PTPRT: variants seen among roughly 807,000 people sequenced by gnomAD.
The protein encoded by PTPRT is protein tyrosine phosphatase receptor type T.
PTPRT carries 56 observed loss-of-function variants against 176.8 expected under a neutral mutation model. The observed-to-expected ratio is 0.32, with a 90% CI of 0.26 to 0.40. PTPRT has a LOEUF of 0.40. Among genes scored for constraint, PTPRT ranks in the 10% least tolerant of loss-of-function variants. The pLI is 1.00. For synonymous variants in PTPRT, 783 were observed against 739.0 expected (o/e 1.06, Z -0.96); for missense variants, 1,540 against 1,908.2 (o/e 0.81, Z 3.60).
At chr20:43,183,299 T>C (rs2015312494) in intron 1 of PTPRT, among the ~76,000 whole-genome samples, 1 of 152,208 alleles carries the variant, frequency 6.6e-6, no homozygotes, top group African/African-American at 2.4e-5. Context: ...GTAACGCCAT[T>C]TCCTTGGTGC....
intron 5 of PTPRT, among the ~76,000 whole-genome samples, chr20:42,761,288 G>C (rs1276744033): frequency 6.6e-6 from 1 of 151,864 alleles, no homozygotes; most frequent in Non-Finnish European, 1.5e-5. Context: ...TACAAAATTA[G>C]CCGGGCATGG....
At chr20:42,124,098 G>A (rs527691816) in intron 19 of PTPRT, among the ~76,000 whole-genome samples, 238 of 152,212 alleles carry the variant, frequency 1.6e-3, no homozygotes, top group Non-Finnish European at 2.2e-3. Flanking sequence ...AAAAACCCAC[G>A]CAGTCCCCAA....
intron 6 of PTPRT, among the ~76,000 whole-genome samples, chr20:42,712,079 C>T (rs190772635): frequency 7.6e-4 from 116 of 152,208 alleles, no homozygotes; most frequent in Non-Finnish European, 1.2e-3. Flanking sequence ...CATTCATTAC[C>T]TGGACTAATG....
chr20:42,320,058 G>A (rs763147466), intron 11 of PTPRT, among the ~76,000 whole-genome samples: 1 of 152,104 alleles, frequency 6.6e-6, no homozygotes, highest in Non-Finnish European at 1.5e-5. Flanking sequence ...GAGAAGATGG[G>A]CATTTATGAC....
chr20:42,350,744 A>T lies in PTPRT; in HGVS notation c.1763-14T>A. On this transcript the variant is annotated splice_polypyrimidine_tract_variant and intron_variant, in intron 10 of 30. Coordinates refer to ENST00000373187, the MANE Select transcript of PTPRT (RefSeq NM_007050.6). ...GCATGGATGGAGCTGGACAGGAAAC[A>T]GAGAGTGCAGGTGAGTTCAGCACAG... 1 of 1,586,054 alleles carries T rather than the reference A, an allele frequency of 6.3e-7. No homozygotes were observed. The highest frequency in any genetic ancestry group is 8.7e-7 in the Non-Finnish European group (1 of 1,154,776).
intron 1 of PTPRT, among the ~76,000 whole-genome samples, chr20:43,100,859 A>G (rs1347696633): frequency 6.6e-6 from 1 of 151,052 alleles, no homozygotes; most frequent in Non-Finnish European, 1.5e-5. Flanking sequence ...GCAAATACAC[A>G]TAAACGTGTC....
intron 2 of PTPRT, among the ~76,000 whole-genome samples, chr20:42,831,209 C>T (rs1401393042): frequency 6.6e-6 from 1 of 152,098 alleles, no homozygotes. Context: ...TAATAGAAAG[C>T]CCAGAAGTAA....
At chr20:42,110,775 C>A (rs1009449517) in intron 22 of PTPRT, among the ~76,000 whole-genome samples, 3 of 118,740 alleles carry the variant, frequency 2.5e-5, no homozygotes, top group East Asian at 2.4e-4. Context: ...CCCTAGGAGA[C>A]CTTCTTTTGT....
chr20:42,407,034 T>G (rs1049465796), intron 9 of PTPRT, among the ~76,000 whole-genome samples: 1 of 152,132 alleles, frequency 6.6e-6, no homozygotes, highest in South Asian at 2.1e-4. Context: ...AGCTCAGGGG[T>G]GAAGCTTGTG....
intron 9 of PTPRT, among the ~76,000 whole-genome samples, chr20:42,379,601 T>A (rs913299457): frequency 1.3e-5 from 2 of 152,224 alleles, no homozygotes; most frequent in Admixed American, 6.5e-5. Context: ...TCCACATTCC[T>A]ACAAAGGAGT....
At chr20:42,980,369 T>C (rs1300507081) in intron 1 of PTPRT, among the ~76,000 whole-genome samples, 1 of 152,222 alleles carries the variant, frequency 6.6e-6, no homozygotes, top group Non-Finnish European at 1.5e-5. Context: ...AGTTCCCACC[T>C]GTGCAACGGG....
intron 22 of PTPRT, 62 bp from the exon 23 acceptor site, chr20:42,110,549 A>C (rs2146293357): frequency 6.6e-7 from 1 of 1,520,830 alleles, no homozygotes; most frequent in Non-Finnish European, 8.9e-7. Context: ...GCCCAGCAAC[A>C]CGTGGAGCCA....
intron 6 of PTPRT, among the ~76,000 whole-genome samples, chr20:42,735,786 G>A (rs1182029961): frequency 6.6e-6 from 1 of 151,658 alleles, no homozygotes; most frequent in African/African-American, 2.4e-5. Context: ...CTCTCTGTGG[G>A]TCGCCCATAC....
intron 6 of PTPRT, among the ~76,000 whole-genome samples, chr20:42,695,983 A>C (rs2075868345): frequency 6.6e-6 from 1 of 151,902 alleles, no homozygotes. Flanking sequence ...TAACCCTATC[A>C]CTTAGAGAGT....
At chr20:42,682,125 T>C (rs1317167378) in intron 6 of PTPRT, among the ~76,000 whole-genome samples, 2 of 152,142 alleles carry the variant, frequency 1.3e-5, no homozygotes, top group African/African-American at 2.4e-5. Flanking sequence ...ATCAAAATAG[T>C]GTTACTATAA....
intron 1 of PTPRT, among the ~76,000 whole-genome samples, chr20:43,029,742 T>C (rs1366514181): frequency 6.6e-6 from 1 of 152,260 alleles, no homozygotes; most frequent in Non-Finnish European, 1.5e-5. Context: ...TCCTTCCTAA[T>C]GGAAGAACAT....
rs374662788 is a variant in PTPRT at position 42,137,279 on chromosome 20, GCT to G, written c.2770+4634_2770+4635del. Among the ~76,000 whole-genome samples the G allele has an allele frequency of 3.7e-4, 56 of 152,274 alleles. No individual in the cohort carries two copies. The East Asian group carries it at 0.01, about 27-fold the overall frequency. ...TAAGGCACCCACTCTGTCACCCCCAGCTCTGTCTCCCCAGGAATCAGCAGAGA... is the reference window on the plus strand; with the variant it reads ...TAAGGCACCCACTCTGTCACCCCCAGCTGTCTCCCCAGGAATCAGCAGAGA... On this transcript the variant is annotated intron_variant, in intron 18 of 30. Coordinates refer to ENST00000373187, the MANE Select transcript of PTPRT (RefSeq NM_007050.6).
At chr20:42,591,393 C>A (rs1442937558) in intron 7 of PTPRT, among the ~76,000 whole-genome samples, 1 of 152,144 alleles carries the variant, frequency 6.6e-6, no homozygotes, top group Non-Finnish European at 1.5e-5. Flanking sequence ...GCTTCTTGAA[C>A]CTCTTACAGA....
chr20:42,500,407 T>C (rs2071731494), intron 7 of PTPRT, among the ~76,000 whole-genome samples: 2 of 152,124 alleles, frequency 1.3e-5, no homozygotes, highest in South Asian at 4.1e-4. Context: ...AAATGACTTG[T>C]ATACTGATCT....
Sources: allele counts gnomAD v4.1 joint callset (sites outside exome capture counted in the v4.1 genomes callset), GRCh38; gene constraint gnomAD v4.1.1; transcripts MANE v1.5; gene names NCBI Gene and HGNC (gene_info 2026-07-23, HGNC 2026-07-21).